The following FSHR variants were observed in gnomAD, a reference collection of about 807,000 sequenced individuals.
FSHR encodes the protein follicle stimulating hormone receptor.
Under a neutral mutation model 52.1 loss-of-function variants are expected in FSHR, and 46 were observed. That is an observed-to-expected ratio of 0.88 (90% CI 0.70 to 1.13). The LOEUF is 1.13. Ranked by LOEUF, FSHR falls within the 50% of genes most tolerant of loss-of-function variation. The probability of loss-of-function intolerance (pLI) is 0.00; values close to 1 mark genes in which losing one functional copy is unlikely to be tolerated. For missense variants in FSHR, 964 were observed against 834.6 expected, an observed-to-expected ratio of 1.16 and a Z score of -1.91; for synonymous variants, 399 against 309.6, an observed-to-expected ratio of 1.29 and a Z score of -3.03.
intron 8 of FSHR, among the ~76,000 whole-genome samples, chr2:48,975,800 G>T (rs1674962276): frequency 2.0e-5 from 3 of 152,112 alleles, no homozygotes; most frequent in African/African-American, 7.2e-5. Context: ...TCTATTATTG[G>T]TGTATAGGAA....
chr2:48,986,957 T>G lies in FSHR; in HGVS notation c.524+2020A>C, dbSNP rs573100506. Among the ~76,000 whole-genome samples, 102 of 152,322 alleles carry G rather than the reference T, an allele frequency of 6.7e-4. 1 individual carries two copies. Among genetic ancestry groups the G allele is most frequent in the African/African-American group, 2.4e-3 (101 of 41,570 alleles). On this transcript the variant is annotated intron_variant, in intron 6 of 9. Coordinates refer to ENST00000406846, the MANE Select transcript of FSHR (RefSeq NM_000145.4). ...AATTATATATTTTCTATAAAAAAAT[T>G]GAATAAGTTTGCCATATTATAACAT...
intron 2 of FSHR, among the ~76,000 whole-genome samples, chr2:49,026,745 A>G (rs546763651): frequency 1.3e-5 from 2 of 152,120 alleles, no homozygotes; most frequent in Non-Finnish European, 2.9e-5. Context: ...TGGGGCTTCA[A>G]TACATTTTAT....
chr2:49,116,482 C>T (rs1295173123), intron 1 of FSHR, among the ~76,000 whole-genome samples: 1 of 152,018 alleles, frequency 6.6e-6, no homozygotes, highest in Non-Finnish European at 1.5e-5. Flanking sequence ...TAGTTTTCTC[C>T]CCTGTAAAAT....
At chr2:48,971,070 C>T (rs1385634494) in intron 8 of FSHR, among the ~76,000 whole-genome samples, 1 of 152,156 alleles carries the variant, frequency 6.6e-6, no homozygotes, top group African/African-American at 2.4e-5. Context: ...TTGTGACTTC[C>T]TGCTTAAGAC....
intron 1 of FSHR, among the ~76,000 whole-genome samples, chr2:49,081,869 A>T (rs2103658319): frequency 6.6e-6 from 1 of 152,332 alleles, no homozygotes. Context: ...AGAACGGTTT[A>T]AAAGATTCCA....
chr2:49,074,510 A>T (rs1292876602), intron 1 of FSHR, among the ~76,000 whole-genome samples: 1 of 152,308 alleles, frequency 6.6e-6, no homozygotes, highest in East Asian at 1.9e-4. Flanking sequence ...AAGGACAACA[A>T]AATAACAAAT....
chr2:48,972,957 T>C (rs908409403), intron 8 of FSHR, among the ~76,000 whole-genome samples: 2 of 152,120 alleles, frequency 1.3e-5, no homozygotes, highest in African/African-American at 4.8e-5. Flanking sequence ...CTGTGGTAGA[T>C]TAAAGATGAC....
intron 2 of FSHR, among the ~76,000 whole-genome samples, chr2:49,037,392 C>T (rs565325770): frequency 6.6e-6 from 1 of 152,310 alleles, no homozygotes; most frequent in Non-Finnish European, 1.5e-5. Context: ...TTCATCCTTC[C>T]TGCTTCTAAC....
chr2:49,026,379 G>A (rs988105380), intron 2 of FSHR, among the ~76,000 whole-genome samples: 6 of 152,130 alleles, frequency 3.9e-5, no homozygotes, highest in Admixed American at 1.3e-4. Flanking sequence ...AAGCACTTAC[G>A]TGTCAGGCAA....
At chr2:49,038,324 A>C (rs1668346278) in intron 2 of FSHR, among the ~76,000 whole-genome samples, 1 of 152,132 alleles carries the variant, frequency 6.6e-6, no homozygotes, top group Admixed American at 6.5e-5. Flanking sequence ...CACAGTTAAA[A>C]ATAATACTAG....
intron 1 of FSHR, among the ~76,000 whole-genome samples, chr2:49,123,204 A>T (rs1026357937): frequency 1.6e-4 from 25 of 152,194 alleles, no homozygotes; most frequent in Non-Finnish European, 2.9e-4. Flanking sequence ...AAAAGTGAGA[A>T]TTTAAAATGT....
At chr2:49,083,766 A>G (rs1356278605) in intron 1 of FSHR, among the ~76,000 whole-genome samples, 3 of 147,500 alleles carry the variant, frequency 2.0e-5, no homozygotes, top group Non-Finnish European at 4.5e-5. Context: ...ACATAATGGT[A>G]AAGGGATCAA....
In FSHR at chr2:49,100,420, A is replaced by G. The variant is rs193101912; in HGVS notation, c.153-32130T>C. ...CAATTTAAATAAAATAAAATACTCA[A>G]CTGTTCAGTCATCCTTGCAGCTCAG... On this transcript the variant is annotated intron_variant, in intron 1 of 9. Transcript: ENST00000406846. Among the ~76,000 whole-genome samples, 72 of 152,312 alleles carry G rather than the reference A, an allele frequency of 4.7e-4. 1 individual carries two copies. The highest frequency in any genetic ancestry group is 3.1e-3 in the Admixed American group (48 of 15,284).
At chr2:49,106,115 G>A (rs2103739022) in intron 1 of FSHR, among the ~76,000 whole-genome samples, 1 of 152,270 alleles carries the variant, frequency 6.6e-6, no homozygotes, top group South Asian at 2.1e-4. Context: ...GCAATGTCAG[G>A]AGTATGAAGA....
intron 1 of FSHR, among the ~76,000 whole-genome samples, chr2:49,147,288 C>T (rs1297598305): frequency 6.6e-6 from 1 of 151,998 alleles, no homozygotes; most frequent in Non-Finnish European, 1.5e-5. Flanking sequence ...GCTATATAAG[C>T]TAAAATCTAG....
chr2:49,054,391 C>A (rs571856847), intron 2 of FSHR, among the ~76,000 whole-genome samples: 323 of 152,222 alleles, frequency 2.1e-3, no homozygotes, highest in Middle Eastern at 6.8e-3. Context: ...AGAATCCACC[C>A]AAAGAAGACA....
At chr2:49,076,478 A>G (rs1002165725) in intron 1 of FSHR, among the ~76,000 whole-genome samples, 1 of 152,192 alleles carries the variant, frequency 6.6e-6, no homozygotes, top group African/African-American at 2.4e-5. Flanking sequence ...GGTCCTTCCC[A>G]TAACACATGG....
At chr2:49,123,228 C>T (rs965378785) in intron 1 of FSHR, among the ~76,000 whole-genome samples, 3 of 152,148 alleles carry the variant, frequency 2.0e-5, no homozygotes, top group Non-Finnish European at 2.9e-5. Context: ...CAGCCAGGCG[C>T]GGTGGTTCAC....
intron 2 of FSHR, among the ~76,000 whole-genome samples, chr2:49,021,863 C>CTCTCTCTCTCTCTCTATATATATATATA (rs1467766420): frequency 4.0e-5 from 2 of 49,868 alleles, no homozygotes; most frequent in Non-Finnish European, 7.4e-5. Context: ...CTCTCTCTCT[C>CTCTCTCTCTCTCTCTATATATATATATA]TATATATATA....
Sources: gnomAD v4.1 joint callset for allele counts (sites outside exome capture counted in the v4.1 genomes callset) on GRCh38, gnomAD v4.1.1 for gene constraint, MANE v1.5 for transcripts, NCBI Gene and HGNC (gene_info 2026-07-23, HGNC 2026-07-21) for gene names.